The following GGNBP2 variants were observed in gnomAD, a reference collection of about 807,000 sequenced individuals.
GGNBP2 encodes the protein gametogenetin-binding protein 2.
GGNBP2 carries 10 observed loss-of-function variants against 85.9 expected under a neutral mutation model. That is an observed-to-expected ratio of 0.12 (90% CI 0.07 to 0.20). The LOEUF (loss-of-function observed/expected upper bound fraction) is 0.20, where lower values mean the gene tolerates loss of function less well. Ranked by LOEUF, GGNBP2 falls within the 10% of genes least tolerant of loss-of-function variation. The pLI, the probability that GGNBP2 is intolerant of heterozygous loss-of-function variation, is 1.00. For missense variants in GGNBP2, 595 were observed against 857.8 expected, an observed-to-expected ratio of 0.69 and a Z score of 3.83; for synonymous variants, 287 against 285.7, an observed-to-expected ratio of 1.00 and a Z score of -0.05.
intron 6 of GGNBP2, chr17:36,575,083 C>A: frequency 1.1e-6 from 1 of 935,536 alleles, no homozygotes; most frequent in Non-Finnish European, 1.7e-6. Context: ...CCTTCATGGG[C>A]AGGGAGAAGA....
intron 2 of GGNBP2, chr17:36,547,801 G>A (rs771223163): frequency 6.6e-6 from 1 of 152,218 alleles, no homozygotes. Flanking sequence ...CTTTGCTTCA[G>A]AATGGGTTTT....
intron 2 of GGNBP2, among the ~76,000 whole-genome samples, chr17:36,553,855 C>T (rs192421043): frequency 1.9e-4 from 29 of 152,238 alleles, no homozygotes; most frequent in African/African-American, 6.7e-4. Context: ...TACTAAAAAT[C>T]TGTGGTGTGA....
At chr17:36,585,816 A>G (rs375489745) in intron 10 of GGNBP2, 24 bp from the exon 11 acceptor site, 1 of 1,604,960 alleles carries the variant, frequency 6.2e-7, no homozygotes, top group South Asian at 1.1e-5. Flanking sequence ...TGTTAATAGT[A>G]ACTCTCACTT....
At chr17:36,584,706 T>C (rs1026156086) in intron 9 of GGNBP2, among the ~76,000 whole-genome samples, 5 of 152,204 alleles carry the variant, frequency 3.3e-5, no homozygotes, top group African/African-American at 2.4e-5. Context: ...CCTAGCACTT[T>C]GGGAAGCCAT....
At chr17:36,561,784 C>T (rs1456557229) in intron 5 of GGNBP2, among the ~76,000 whole-genome samples, 3 of 151,914 alleles carry the variant, frequency 2.0e-5, no homozygotes, top group Admixed American at 6.6e-5. Flanking sequence ...CCACCAAGCC[C>T]GGCTAATTTT....
intron 2 of GGNBP2, among the ~76,000 whole-genome samples, chr17:36,550,314 G>A (rs189926377): frequency 6.6e-6 from 1 of 152,056 alleles, no homozygotes; most frequent in African/African-American, 2.4e-5. Flanking sequence ...ATAAGAGTTT[G>A]GGGTTTTGTT....
intron 9 of GGNBP2, among the ~76,000 whole-genome samples, chr17:36,584,207 C>G (rs910123739): frequency 6.6e-6 from 1 of 152,222 alleles, no homozygotes; most frequent in Non-Finnish European, 1.5e-5. Flanking sequence ...CTCAGTTTGT[C>G]TCTCATTTAT....
chr17:36,572,294 T>A (rs1555606942), intron 6 of GGNBP2, among the ~76,000 whole-genome samples: 1 of 152,204 alleles, frequency 6.6e-6, no homozygotes, highest in Non-Finnish European at 1.5e-5. Context: ...GAACTTGCTG[T>A]TTATAACCTG....
intron 6 of GGNBP2, among the ~76,000 whole-genome samples, chr17:36,572,789 T>C (rs536974431): frequency 6.6e-6 from 1 of 152,338 alleles, no homozygotes; most frequent in African/African-American, 2.4e-5. Flanking sequence ...AACAGATCTC[T>C]AGAACTTTTT....
intron 5 of GGNBP2, among the ~76,000 whole-genome samples, chr17:36,567,372 G>A (rs1435903916): frequency 2.0e-5 from 3 of 152,116 alleles, no homozygotes; most frequent in Non-Finnish European, 4.4e-5. Flanking sequence ...AAGTGTTCAT[G>A]ATTTTAATTT....
At chr17:36,550,403 T>C (rs1183837968) in intron 2 of GGNBP2, among the ~76,000 whole-genome samples, 3 of 152,168 alleles carry the variant, frequency 2.0e-5, no homozygotes, top group Admixed American at 2.0e-4. Context: ...TTTAAAAAAA[T>C]GATAAATGGT....
intron 6 of GGNBP2, 63 bp from the exon 7 acceptor site, chr17:36,577,919 GT>G: frequency 7.7e-7 from 1 of 1,300,482 alleles, no homozygotes; most frequent in Non-Finnish European, 1.1e-6. Context: ...CTAGTACACT[GT>G]TATATGCCAC....
chr17:36,545,744 T>C lies in GGNBP2; in HGVS notation c.20T>C (p.Val7Ala). 1 of 1,577,804 alleles carries C rather than the reference T, an allele frequency of 6.3e-7. No individual in the cohort carries two copies. The highest frequency in any genetic ancestry group is 1.8e-5 in the Admixed American group (1 of 54,934). ...GGGACGATGGCGCGACTCGTGGCAG[T>C]GTGCAGGGACGGGGAGGAGGAGTTC... MARLVA[V>A]CRDGEEEFPF... Residue 7 changes from valine to alanine, a missense_variant, in exon 2 of 14, where the codon GTG (valine) becomes GCG (alanine). Val to Ala is a moderately conservative substitution (Grantham distance 64). This residue lies in a region of GGNBP2 where 216 missense variants were observed against 293.4 expected (regional missense o/e 0.74). Coordinates refer to ENST00000613102, the MANE Select transcript of GGNBP2 (RefSeq NM_024835.5).
chr17:36,586,396 T>A (rs1393434944), intron 12 of GGNBP2, 198 bp downstream of exon 12: 3 of 586,384 alleles, frequency 5.1e-6, no homozygotes, highest in Non-Finnish European at 8.9e-6. Flanking sequence ...TGTGCAACAG[T>A]CCTTGTGAGT....
chr17:36,556,441 C>T (rs1469999433), intron 3 of GGNBP2, among the ~76,000 whole-genome samples: 1 of 152,188 alleles, frequency 6.6e-6, no homozygotes. Context: ...CGTGGTGGCT[C>T]ACGCCTGTAA....
chr17:36,556,587 C>T (rs2074363550), intron 3 of GGNBP2, among the ~76,000 whole-genome samples: 1 of 151,902 alleles, frequency 6.6e-6, no homozygotes, highest in Non-Finnish European at 1.5e-5. Context: ...ACCTGTAGTC[C>T]CAGCTACTCG....
intron 6 of GGNBP2, among the ~76,000 whole-genome samples, chr17:36,572,155 G>C (rs1162494522): frequency 6.6e-6 from 1 of 152,006 alleles, no homozygotes. Flanking sequence ...ATTTACTTAT[G>C]CTTATAGTTG....
intron 1 of GGNBP2, 58 bp from the exon 2 acceptor site, chr17:36,545,561 G>C: frequency 1.7e-6 from 1 of 589,320 alleles, no homozygotes; most frequent in Non-Finnish European, 3.0e-6. Flanking sequence ...CCTGCCCCCC[G>C]TGGCGAATGT....
chr17:36,548,654 T>TAAAAAA (rs2074278549), intron 2 of GGNBP2, among the ~76,000 whole-genome samples: 1 of 57,856 alleles, frequency 1.7e-5, no homozygotes, highest in African/African-American at 4.9e-5. Flanking sequence ...AAAAAAAAAG[T>TAAAAAA]AGCCTTAGGC....
Sources: gnomAD v4.1 joint callset for allele counts (sites outside exome capture counted in the v4.1 genomes callset) on GRCh38, gnomAD v4.1.1 for gene constraint, gnomAD v4.1.1 regional missense constraint, MANE v1.5 for transcripts, NCBI Gene and HGNC (gene_info 2026-07-23, HGNC 2026-07-21) for gene names.